The following ATAD5 variants were observed in gnomAD, a reference collection of about 807,000 sequenced individuals.
ATAD5 encodes the protein ATPase family AAA domain-containing protein 5.
Under a neutral mutation model 176.9 loss-of-function variants are expected in ATAD5, and 58 were observed. That is an observed-to-expected ratio of 0.33 (90% CI 0.27 to 0.41). The LOEUF is 0.41. Among genes scored for constraint, ATAD5 ranks in the 10% least tolerant of loss-of-function variants. The probability of loss-of-function intolerance (pLI) is 1.00; values close to 1 mark genes in which losing one functional copy is unlikely to be tolerated. For missense variants in ATAD5, 1,789 were observed against 2,094.1 expected (o/e 0.85, Z 2.84); for synonymous variants, 640 against 712.6 (o/e 0.90, Z 1.62).
Position 30,893,870 on chromosome 17 carries a change from G to A in ATAD5, c.5017G>A (p.Gly1673Ser), listed in dbSNP as rs201517179. ...TGATGTAAGGGAACAAAACAAATAC[G>A]GTAGAAATGACTTTAGTTGGACAAA... ...LTDVREQNKY[G>S]RNDFSWTNGK... is the part of the protein sequence containing the mutation. The change falls in exon 21 of 23, where the codon GGT becomes AGT. Residue 1673 changes from glycine (G) to serine (S), a missense_variant. Transcript: ENST00000321990. The A allele has an allele frequency of 1.5e-5, 25 of 1,613,746 alleles. No individual in the cohort carries two copies. Among genetic ancestry groups the A allele is most frequent in the African/African-American group, 4.0e-5 (3 of 74,906 alleles).
chr17:30,834,590 A>G lies in ATAD5; in HGVS notation c.509A>G (p.Glu170Gly). Reference protein sequence around the residue: ...RYKKQVEVLAENIQDTKSQPN... With the variant: ...RYKKQVEVLAGNIQDTKSQPN... ...AAGAAACAAGTAGAGGTACTTGCAG[A>G]AAACATTCAAGATACAAAAAGTCAA... Residue 170 changes from glutamate to glycine, a missense_variant, in exon 2 of 23, where the codon GAA becomes GGA. Glu to Gly is a moderately conservative substitution (Grantham distance 98, BLOSUM62 -2). Around this residue, in one of 6 missense-constraint regions of ATAD5, gnomAD observed 696 missense variants for 712.5 expected, o/e 0.98. Transcript: ENST00000321990. 1.2e-6 allele frequency: 2 copies of G among 1,610,406 alleles called. No homozygotes were observed. Among genetic ancestry groups the G allele is most frequent in the Non-Finnish European group, 1.7e-6 (2 of 1,179,190 alleles).
chr17:30,865,553 T>G (rs183142394), intron 10 of ATAD5, 151 bp from the exon 11 acceptor site: 5 of 470,248 alleles, frequency 1.1e-5, no homozygotes, highest in Non-Finnish European at 1.9e-5. Context: ...TTAAATGTAA[T>G]GTTGTTTTAA....
intron 10 of ATAD5, among the ~76,000 whole-genome samples, chr17:30,863,641 C>G (rs1482610977): frequency 1.4e-5 from 2 of 147,590 alleles, no homozygotes; most frequent in East Asian, 4.0e-4. Context: ...GCTGGGATTA[C>G]AGGCGTGAGC....
chr17:30,834,160 C>T lies in ATAD5; in HGVS notation c.79C>T (p.Arg27Ter), dbSNP rs773772562. Residue 27 changes from arginine to a stop codon, truncating the protein, a stop_gained, in exon 2 of 23, where the codon CGA (arginine) becomes TGA (stop). Coordinates refer to ENST00000321990, the MANE Select transcript of ATAD5 (RefSeq NM_024857.5). LOFTEE classifies it high-confidence loss of function. ...KDCEIEPCKK[R>*]KKDDDTSTCK... ...TTTAAATTGCCAGCCATGCAAAAAGCGAAAGAAAGATGATGACACATCTAC... is the reference window on the plus strand; with the variant it reads ...TTTAAATTGCCAGCCATGCAAAAAGTGAAAGAAAGATGATGACACATCTAC... 3.2e-6 allele frequency: 5 copies of T among 1,545,804 alleles called. No individual in the cohort carries two copies. The highest frequency in any genetic ancestry group is 2.3e-5 in the East Asian group (1 of 43,264).
At chr17:30,845,754 A>G (rs931013971) in intron 6 of ATAD5, among the ~76,000 whole-genome samples, 2 of 152,174 alleles carry the variant, frequency 1.3e-5, no homozygotes, top group African/African-American at 2.4e-5. Context: ...GAGGGGTTAG[A>G]GTAGATGTAG....
intron 12 of ATAD5, among the ~76,000 whole-genome samples, 181 bp downstream of exon 12, chr17:30,868,593 C>T (rs9916703): frequency 0.1 from 15,531 of 149,710 alleles, 923 homozygotes; most frequent in South Asian, 0.24. Flanking sequence ...CTGCTACCTC[C>T]GCCTCCCGGG....
At chr17:30,866,028 GTTCC>G (rs1907954832) in intron 11 of ATAD5, among the ~76,000 whole-genome samples, 1 of 151,808 alleles carries the variant, frequency 6.6e-6, no homozygotes, top group South Asian at 2.1e-4. Context: ...GCATATGTTA[GTTCC>G]TTCCTTTCTA....
chr17:30,865,782 C>T lies in ATAD5; in HGVS notation c.3215C>T (p.Ala1072Val). 1 of 1,578,456 alleles carries T rather than the reference C, an allele frequency of 6.3e-7. No individual in the cohort carries two copies. Among genetic ancestry groups the T allele is most frequent in the Non-Finnish European group, 8.6e-7 (1 of 1,165,696 alleles). ...AGTGAACTTATAGGAAATGAGTTAGCTATAAAAAAGTTACATAGGTTGGTA... is the reference window on the plus strand; with the variant it reads ...AGTGAACTTATAGGAAATGAGTTAGTTATAAAAAAGTTACATAGGTTGGTA... ...TASELIGNEL[A>V]IKKLHSWLKD... Residue 1072 changes from alanine (A) to valine (V), a missense_variant, in exon 11 of 23, where the codon GCT (alanine) becomes GTT (valine). Physicochemically the swap from Ala to Val is moderately conservative, Grantham distance 64. Transcript: ENST00000321990.
chr17:30,832,664 C>G (rs144490168), intron 1 of ATAD5, among the ~76,000 whole-genome samples: 58 of 152,220 alleles, frequency 3.8e-4, no homozygotes, highest in Admixed American at 1.2e-3. Flanking sequence ...GATAACACGG[C>G]CAGTTCCCAG....
intron 8 of ATAD5, among the ~76,000 whole-genome samples, chr17:30,857,742 A>ATTTTTTTTT: frequency 7.2e-6 from 1 of 138,332 alleles, no homozygotes; most frequent in South Asian, 2.3e-4. Context: ...GACTAAAGCT[A>ATTTTTTTTT]TTTTTTTTTT....
intron 15 of ATAD5, among the ~76,000 whole-genome samples, chr17:30,877,108 C>T (rs1908725738): frequency 6.6e-6 from 1 of 151,980 alleles, no homozygotes. Context: ...ACCTCCGCCT[C>T]CTGGGTTCAA....
chr17:30,835,073 T>A lies in ATAD5; in HGVS notation c.992T>A (p.Ile331Asn). 1 of 1,614,072 alleles carries A rather than the reference T, an allele frequency of 6.2e-7. No individual in the cohort carries two copies. The highest frequency in any genetic ancestry group is 8.5e-7 in the Non-Finnish European group (1 of 1,180,000). The change falls in exon 2 of 23, where the codon ATT (isoleucine) becomes AAT (asparagine). Residue 331 changes from isoleucine to asparagine, a missense_variant. Coordinates refer to ENST00000321990, the MANE Select transcript of ATAD5 (RefSeq NM_024857.5). ...ACTGTTCTTGCACAGGTTCACCCTA[T>A]TCCGCCCAAAAAGACAGGGAAAATA... Reference protein sequence around the residue: ...TVTVLAQVHPIPPKKTGKIPR... With the variant: ...TVTVLAQVHPNPPKKTGKIPR...
At chr17:30,865,960 C>G (rs143249711) in intron 11 of ATAD5, among the ~76,000 whole-genome samples, 160 bp downstream of exon 11, 5 of 152,134 alleles carry the variant, frequency 3.3e-5, no homozygotes, top group Non-Finnish European at 5.9e-5. Flanking sequence ...TACATTTCTA[C>G]TTCTCAGAGA....
intron 8 of ATAD5, among the ~76,000 whole-genome samples, chr17:30,857,383 T>G (rs1340973376): frequency 6.6e-6 from 1 of 151,980 alleles, no homozygotes; most frequent in East Asian, 1.9e-4. Flanking sequence ...GCCCGGCTAA[T>G]TTTTGTATTT....
chr17:30,861,047 C>T (rs1907600221), intron 10 of ATAD5, among the ~76,000 whole-genome samples: 1 of 152,058 alleles, frequency 6.6e-6, no homozygotes. Flanking sequence ...GCATTATTCA[C>T]CCACCTCGGC....
intron 19 of ATAD5, among the ~76,000 whole-genome samples, chr17:30,891,842 C>G (rs999810922): frequency 4.6e-5 from 7 of 151,758 alleles, no homozygotes; most frequent in African/African-American, 1.7e-4. Flanking sequence ...TGCGTCACCA[C>G]GCCTGGCTAA....
At chr17:30,862,148 A>T (rs1311908054) in intron 10 of ATAD5, among the ~76,000 whole-genome samples, 1 of 151,272 alleles carries the variant, frequency 6.6e-6, no homozygotes, top group East Asian at 2.0e-4. Context: ...CAGCCTGCCA[A>T]CATGGCAAAA....
chr17:30,843,855 A>G, intron 4 of ATAD5, 58 bp from the exon 5 acceptor site: 1 of 1,027,472 alleles, frequency 9.7e-7, no homozygotes, highest in Non-Finnish European at 1.3e-6. Flanking sequence ...TTCTTTTGAA[A>G]TTTCAATGAT....
At chr17:30,853,999 A>G (rs551957006) in intron 6 of ATAD5, among the ~76,000 whole-genome samples, 2 of 151,896 alleles carry the variant, frequency 1.3e-5, no homozygotes, top group African/African-American at 4.8e-5. Flanking sequence ...CCCTGTTAAC[A>G]TTTTGGTGGA....
Sources: gnomAD v4.1 joint callset for allele counts (sites outside exome capture counted in the v4.1 genomes callset) on GRCh38, gnomAD v4.1.1 for gene constraint, gnomAD v4.1.1 regional missense constraint, MANE v1.5 for transcripts, NCBI Gene and HGNC (gene_info 2026-07-23, HGNC 2026-07-21) for gene names.